The following DPP6 variants were observed in gnomAD, a reference collection of about 807,000 sequenced individuals.
The protein encoded by DPP6 is dipeptidyl peptidase like 6, also known as A-type potassium channel modulatory protein DPP6.
DPP6 carries 69 observed loss-of-function variants against 122.6 expected under a neutral mutation model. The observed-to-expected ratio is 0.56, with a 90% CI of 0.46 to 0.69. The LOEUF is 0.69. Among genes scored for constraint, DPP6 ranks in the 30% least tolerant of loss-of-function variants. DPP6 has a pLI of 0.00. For synonymous variants in DPP6, 418 were observed against 433.1 expected (o/e 0.97, Z 0.43); for missense variants, 928 against 1,116.9 (o/e 0.83, Z 2.41).
At chr7:153,864,442 G>A in the DPP6 span, among the ~76,000 whole-genome samples, 1 of 151,976 alleles carries the variant, frequency 6.6e-6, no homozygotes, top group African/African-American at 2.4e-5. Flanking sequence ...ATCACCTGAG[G>A]TCATGAGTTC....
In DPP6 at chr7:154,887,993, T is replaced by C. The variant is rs4960643; in HGVS notation, c.2304+259T>C. Reference sequence around the variant, plus strand: ...AGGAAGAAAGTAAGAGGATATTTGATGGCGGAGTCAGTCCCAGCGTCCATG... The same window carrying C: ...AGGAAGAAAGTAAGAGGATATTTGACGGCGGAGTCAGTCCCAGCGTCCATG... On this transcript the variant is annotated intron_variant, in intron 23 of 25. Transcript: ENST00000377770. Among the ~76,000 whole-genome samples, 5,817 of 151,972 alleles carry C rather than the reference T, an allele frequency of 0.038. 147 individuals are homozygous for C. Among genetic ancestry groups the C allele is most frequent in the East Asian group, 0.06 (308 of 5,160 alleles).
intron 1 of DPP6, among the ~76,000 whole-genome samples, chr7:154,279,975 G>A (rs1804397476): frequency 2.0e-5 from 3 of 152,042 alleles, no homozygotes; most frequent in Non-Finnish European, 2.9e-5. Flanking sequence ...TCCTATTCAG[G>A]GCTTATTAGG....
At chr7:154,472,255 A>G (rs927709628) in intron 2 of DPP6, among the ~76,000 whole-genome samples, 2 of 152,254 alleles carry the variant, frequency 1.3e-5, no homozygotes, top group East Asian at 3.8e-4. Context: ...ATTTCAGAAT[A>G]TCAAATACAA....
At chr7:154,147,708 C>T (rs1481290674) in intron 1 of DPP6, among the ~76,000 whole-genome samples, 1 of 137,178 alleles carries the variant, frequency 7.3e-6, no homozygotes, top group Non-Finnish European at 1.5e-5. Context: ...AAACACATAC[C>T]TATATATATA....
At chr7:154,767,633 G>T (rs1587077545) in intron 8 of DPP6, among the ~76,000 whole-genome samples, 2 of 152,194 alleles carry the variant, frequency 1.3e-5, no homozygotes, top group African/African-American at 2.4e-5. Context: ...TGAGACAGAC[G>T]CAGAGGGGAA....
intron 16 of DPP6, among the ~76,000 whole-genome samples, chr7:154,815,105 A>T (rs984467416): frequency 2.0e-5 from 3 of 152,188 alleles, no homozygotes; most frequent in African/African-American, 7.2e-5. Flanking sequence ...AAGAGTGCTC[A>T]GCTTGTTCTT....
intron 1 of DPP6, among the ~76,000 whole-genome samples, chr7:153,977,129 T>C (rs991982153): frequency 2.1e-4 from 32 of 151,940 alleles, no homozygotes; most frequent in Non-Finnish European, 1.0e-4. Flanking sequence ...TCTTTAGGAG[T>C]CTCTAGACTC....
rs554856568 is a variant in DPP6, at chr7:154,109,922, C to T, written c.243+56859C>T. On this transcript the variant is annotated intron_variant, in intron 1 of 25. Transcript: ENST00000377770. ...AGTAGCCTCAGATACCTGCGGGGCC[C>T]ATGCAGGGAACCCTAATTGGGGTGC... Among the ~76,000 whole-genome samples, 5 of 141,878 alleles carry T rather than the reference C, an allele frequency of 3.5e-5. No individual in the cohort carries two copies. The South Asian group carries it at 1.2e-3, about 35-fold the overall frequency. 93.1% of individuals were successfully genotyped at this position (141,878 alleles called of 152,430 possible).
chr7:154,830,228 G>A (rs1007978792), intron 16 of DPP6, among the ~76,000 whole-genome samples: 1 of 151,846 alleles, frequency 6.6e-6, no homozygotes, highest in Non-Finnish European at 1.5e-5. Context: ...TCACCTGTTC[G>A]GTCCTTACCT....
At chr7:154,359,668 A>T (rs1384030447) in intron 1 of DPP6, among the ~76,000 whole-genome samples, 1 of 152,180 alleles carries the variant, frequency 6.6e-6, no homozygotes, top group Non-Finnish European at 1.5e-5. Flanking sequence ...GTGAGCCCTC[A>T]AAAGTATTTA....
chr7:154,498,980 A>T (rs1824987077), intron 3 of DPP6, among the ~76,000 whole-genome samples: 1 of 152,234 alleles, frequency 6.6e-6, no homozygotes, highest in Non-Finnish European at 1.5e-5. Flanking sequence ...AAAAGTAGGC[A>T]GGTGAGTTTG....
At chr7:154,678,491 G>A (rs527746292) in intron 7 of DPP6, among the ~76,000 whole-genome samples, 37 of 152,210 alleles carry the variant, frequency 2.4e-4, no homozygotes, top group African/African-American at 8.7e-4. Context: ...CACTCCTGAA[G>A]TCACCAAGAC....
chr7:154,815,513 A>G (rs1799369267), intron 16 of DPP6, among the ~76,000 whole-genome samples: 1 of 152,190 alleles, frequency 6.6e-6, no homozygotes, highest in Non-Finnish European at 1.5e-5. Flanking sequence ...TCTCAAGAGT[A>G]TGATTTATTT....
intron 1 of DPP6, among the ~76,000 whole-genome samples, chr7:154,217,108 C>T (rs1012780573): frequency 4.6e-5 from 7 of 151,828 alleles, no homozygotes; most frequent in Admixed American, 4.6e-4. Context: ...TTAAAGAACT[C>T]TCAAATTACC....
the DPP6 span, among the ~76,000 whole-genome samples, chr7:153,766,315 C>A: frequency 3.3e-5 from 5 of 152,160 alleles, no homozygotes; most frequent in Non-Finnish European, 5.9e-5. Flanking sequence ...CATTAACAAG[C>A]TTTATCATCT....
In DPP6 at chr7:153,964,545, C is replaced by A. The variant is rs541190076; in HGVS notation, c.51+76811C>A. Among the ~76,000 whole-genome samples the A allele has an allele frequency of 7.9e-5, 12 of 152,302 alleles. No homozygotes were observed. In the South Asian group the frequency reaches 2.3e-3, roughly 29 times the overall value. ...GGGATCCAGGAGGCCTGGCTCCAAA[C>A]CCCAAGTCTGCACCCACTACCTGGG... On this transcript the variant is annotated intron_variant, in intron 1 of 25. Coordinates refer to the DPP6 transcript ENST00000404039.
chr7:154,445,558 G>A (rs6464422), intron 1 of DPP6, among the ~76,000 whole-genome samples: 29,088 of 151,950 alleles, frequency 0.19, 3,946 homozygotes, highest in African/African-American at 0.39. Context: ...TGCAGTGCAA[G>A]AGGGTTCTCT....
chr7:154,298,315 C>A (rs1805678932), intron 1 of DPP6, among the ~76,000 whole-genome samples: 1 of 136,994 alleles, frequency 7.3e-6, no homozygotes, highest in East Asian at 2.0e-4. Flanking sequence ...TCTGGAGACC[C>A]CTGCTGCGTG....
At chr7:154,607,389 G>A (rs1447268060) in intron 5 of DPP6, among the ~76,000 whole-genome samples, 1 of 115,004 alleles carries the variant, frequency 8.7e-6, no homozygotes, top group South Asian at 3.8e-4. Flanking sequence ...GAAACCCCCC[G>A]TCTCTACTAA....
Sources: gnomAD v4.1 joint callset for allele counts (sites outside exome capture counted in the v4.1 genomes callset) on GRCh38, gnomAD v4.1.1 for gene constraint, MANE v1.5 for transcripts, NCBI Gene and HGNC (gene_info 2026-07-23, HGNC 2026-07-21) for gene names.